ZCCHC14: variants seen among roughly 807,000 people sequenced by gnomAD.
ZCCHC14 encodes zinc finger CCHC-type containing 14, also known as zinc finger CCHC domain-containing protein 14.
Under a neutral mutation model 85.0 loss-of-function variants are expected in ZCCHC14, and 16 were observed. The ratio of observed to expected loss-of-function variants is 0.19; its 90% CI spans 0.13 to 0.29. The LOEUF is 0.29. Ranked by LOEUF, ZCCHC14 falls within the 10% of genes least tolerant of loss-of-function variation. The pLI is 1.00. For missense variants in ZCCHC14, 1,303 were observed against 1,443.5 expected (o/e 0.90, Z 1.58); for synonymous variants, 775 against 630.7 (o/e 1.23, Z -3.43).
At position 87,409,190 on chromosome 16, in the gene ZCCHC14, A is replaced by C. The variant is rs1908327754; in HGVS notation, c.*1090T>G. The C allele has an allele frequency of 6.6e-6, 1 of 152,248 alleles. No homozygotes were observed. The highest frequency in any genetic ancestry group is 1.5e-5 in the Non-Finnish European group (1 of 68,036). The allele number at this position is 152,248 out of a possible 1,614,324, so 9.4% of individuals were successfully genotyped here. A position where few individuals can be genotyped will look rare whatever the true frequency, so the allele number is the denominator to read the frequency against. On this transcript the variant is annotated 3_prime_UTR_variant, in exon 13 of 13. Transcript: ENST00000671377. ...AACTATCAATACACAGCCTAATACA[A>C]AAGAAGTTGACAGGAGAAAATTCCC...
At position 87,408,795 on chromosome 16, in the gene ZCCHC14, T is replaced by G. The variant is rs935856938; in HGVS notation, c.*1485A>C. On this transcript the variant is annotated 3_prime_UTR_variant, in exon 13 of 13. Transcript: ENST00000671377. ...GGGTATTCTTCTGATTTACATCAAT[T>G]TTTCATGAGGCTGATTGTCCCATTT... 8.5e-5 allele frequency: 13 copies of G among 152,460 alleles called. No individual in the cohort carries two copies. Among genetic ancestry groups the G allele is most frequent in the Non-Finnish European group, 1.8e-4 (12 of 68,034 alleles). 9.4% of individuals were successfully genotyped at this position (152,460 alleles called of 1,614,324 possible).
chr16:87,427,061 G>T (rs991436212), intron 3 of ZCCHC14, among the ~76,000 whole-genome samples: 6 of 152,394 alleles, frequency 3.9e-5, no homozygotes, highest in African/African-American at 1.4e-4. Context: ...TGTGGGGGAA[G>T]GAGCAGCTTT....
chr16:87,466,134 T>A (rs573794603), intron 1 of ZCCHC14, among the ~76,000 whole-genome samples: 49 of 146,406 alleles, frequency 3.3e-4, no homozygotes, highest in South Asian at 1.1e-3. Flanking sequence ...CGCTTTTTTT[T>A]AAAAAAAGGT....
intron 1 of ZCCHC14, among the ~76,000 whole-genome samples, chr16:87,481,260 G>A (rs374066396): frequency 6.6e-6 from 1 of 152,120 alleles, no homozygotes; most frequent in Non-Finnish European, 1.5e-5. Flanking sequence ...CAATGCTTCT[G>A]AACTATTTAA....
At chr16:87,410,509 T>G (rs1489396385) in intron 12 of ZCCHC14, among the ~76,000 whole-genome samples, 174 bp from the exon 13 acceptor site, 1 of 152,222 alleles carries the variant, frequency 6.6e-6, no homozygotes, top group Admixed American at 6.5e-5. Context: ...GGACCTAATT[T>G]TACAAGTTTA....
chr16:87,464,458 AC>A (rs1249658747), intron 1 of ZCCHC14, among the ~76,000 whole-genome samples: 5 of 152,192 alleles, frequency 3.3e-5, no homozygotes, highest in African/African-American at 1.2e-4. Flanking sequence ...CCCGGCAAGG[AC>A]AAAGAGGAGA....
chr16:87,416,884 T>G (rs1359540987), intron 8 of ZCCHC14, among the ~76,000 whole-genome samples: 1 of 152,214 alleles, frequency 6.6e-6, no homozygotes, highest in Non-Finnish European at 1.5e-5. Flanking sequence ...AGAAATGAAA[T>G]TTTTACATAG....
At chr16:87,452,941 G>A (rs1910776259) in intron 2 of ZCCHC14, among the ~76,000 whole-genome samples, 1 of 152,220 alleles carries the variant, frequency 6.6e-6, no homozygotes, top group African/African-American at 2.4e-5. Flanking sequence ...ATGTGCCCAC[G>A]CCCAAGTGGA....
intron 12 of ZCCHC14, among the ~76,000 whole-genome samples, chr16:87,410,859 T>C (rs145925164): frequency 9.5e-4 from 144 of 152,266 alleles, no homozygotes; most frequent in African/African-American, 3.2e-3. Flanking sequence ...GTGCAACCCT[T>C]AGAAGCAACT....
intron 2 of ZCCHC14, among the ~76,000 whole-genome samples, chr16:87,458,912 T>G (rs34026066): frequency 0.16 from 24,606 of 152,118 alleles, 2,895 homozygotes; most frequent in South Asian, 0.59. Flanking sequence ...GGTCTCTGTC[T>G]CCCCACTACT....
chr16:87,467,042 A>AT (rs57908912), intron 1 of ZCCHC14: 56 of 389,252 alleles, frequency 1.4e-4, no homozygotes, highest in African/African-American at 1.1e-3. Flanking sequence ...AAAAAAAAAA[A>AT]TTGTTTTTTT....
intron 5 of ZCCHC14, 62 bp from the exon 6 acceptor site, chr16:87,419,939 GAAA>G: frequency 7.0e-7 from 1 of 1,434,786 alleles, no homozygotes; most frequent in Non-Finnish European, 9.5e-7. Context: ...CGAATTGAAA[GAAA>G]AAAATTTAAC....
intron 2 of ZCCHC14, among the ~76,000 whole-genome samples, chr16:87,448,901 C>A (rs1445307007): frequency 2.0e-5 from 3 of 152,208 alleles, no homozygotes; most frequent in Non-Finnish European, 4.4e-5. Flanking sequence ...GTAGTGTAGA[C>A]TTTCCTATCC....
rs1331613140 is a variant in ZCCHC14, at chr16:87,409,848, A to G, written c.*432T>C. 7 of 156,554 alleles carry G rather than the reference A, an allele frequency of 4.5e-5. No homozygotes were observed. In the Admixed American group the frequency reaches 4.6e-4, roughly 10 times the overall value. The allele number at this position is 156,554 out of a possible 1,614,324, so 9.7% of individuals were successfully genotyped here. On this transcript the variant is annotated 3_prime_UTR_variant, in exon 13 of 13. Transcript: ENST00000671377. ...TTAGGAACAGAACAAAACAAAGTCG[A>G]CATTTTCCCTAGCCCAGGGGTGTCA...
At chr16:87,471,457 A>T (rs1911770149) in intron 1 of ZCCHC14, 1 of 152,284 alleles carries the variant, frequency 6.6e-6, no homozygotes, top group African/African-American at 2.4e-5. Flanking sequence ...AAAAAAGATT[A>T]CTGCTTAAAA....
intron 8 of ZCCHC14, among the ~76,000 whole-genome samples, chr16:87,416,749 C>G (rs1908805925): frequency 6.6e-6 from 1 of 152,014 alleles, no homozygotes; most frequent in African/African-American, 2.4e-5. Flanking sequence ...GTGCAAGACT[C>G]TCCATCTCAA....
At chr16:87,474,890 A>G (rs974082991) in intron 1 of ZCCHC14, among the ~76,000 whole-genome samples, 2 of 152,258 alleles carry the variant, frequency 1.3e-5, no homozygotes, top group Non-Finnish European at 2.9e-5. Context: ...GCAACTGAGC[A>G]GAGATATTAG....
At chr16:87,435,087 TCTGACAAGTC>T (rs1461408983) in intron 2 of ZCCHC14, among the ~76,000 whole-genome samples, 1 of 151,316 alleles carries the variant, frequency 6.6e-6, no homozygotes, top group Non-Finnish European at 1.5e-5. Flanking sequence ...TATTAAGGAC[TCTGACAAGTC>T]CTACAGTACA....
At chr16:87,478,240 TAC>T (rs1912111128) in intron 1 of ZCCHC14, among the ~76,000 whole-genome samples, 1 of 152,196 alleles carries the variant, frequency 6.6e-6, no homozygotes, top group South Asian at 2.1e-4. Context: ...GTTCAGAATC[TAC>T]AGTGTCATCC....
Sources: gnomAD v4.1 joint callset for allele counts (sites outside exome capture counted in the v4.1 genomes callset) on GRCh38, gnomAD v4.1.1 for gene constraint, MANE v1.5 for transcripts, NCBI Gene and HGNC (gene_info 2026-07-23, HGNC 2026-07-21) for gene names.